Variants in ERBB4 observed in about 807,000 individuals in gnomAD.
ERBB4 encodes receptor tyrosine-protein kinase erbB-4.
Under a neutral mutation model 158.0 loss-of-function variants are expected in ERBB4, and 42 were observed. That is an observed-to-expected ratio of 0.27 (90% CI 0.21 to 0.34). The LOEUF is 0.34. Ranked by LOEUF, ERBB4 falls within the 10% of genes least tolerant of loss-of-function variation. The pLI is 1.00. For missense variants in ERBB4, 1,333 were observed against 1,624.1 expected (o/e 0.82, Z 3.08); for synonymous variants, 583 against 558.7 (o/e 1.04, Z -0.61).
intron 2 of ERBB4, among the ~76,000 whole-genome samples, chr2:212,070,491 A>C (rs1200719568): frequency 2.0e-5 from 3 of 152,134 alleles, no homozygotes; most frequent in African/African-American, 7.2e-5. Flanking sequence ...GATAATACAC[A>C]TATAAATCAA....
chr2:212,211,213 T>C (rs918873983), intron 1 of ERBB4, among the ~76,000 whole-genome samples: 2 of 152,132 alleles, frequency 1.3e-5, no homozygotes, highest in South Asian at 4.1e-4. Flanking sequence ...CTTCCATGAG[T>C]GTCTCTGCTT....
intron 6 of ERBB4, among the ~76,000 whole-genome samples, chr2:211,723,849 C>A (rs529591770): frequency 6.6e-6 from 1 of 152,128 alleles, no homozygotes; most frequent in South Asian, 2.1e-4. Context: ...TACACCAAGG[C>A]CTTAGTCTGG....
intron 1 of ERBB4, among the ~76,000 whole-genome samples, chr2:212,513,106 C>T (rs980227885): frequency 1.3e-5 from 2 of 152,094 alleles, no homozygotes; most frequent in Admixed American, 6.5e-5. Flanking sequence ...CTAAGTTATT[C>T]CAGAGTAACT....
rs562078867 is a variant in ERBB4, at chr2:211,462,645, C to T, written c.2488-31545G>A. ...TTAAGCGAGCTTGTTCCAGTTCTTA[C>T]TTTATAATGGGCTGTTACACTTCTT... On this transcript the variant is annotated intron_variant, in intron 20 of 27. Coordinates refer to ENST00000342788, the MANE Select transcript of ERBB4 (RefSeq NM_005235.3). Among the ~76,000 whole-genome samples, 15 of 152,258 alleles carry T rather than the reference C, an allele frequency of 9.9e-5. No homozygotes were observed. The South Asian group carries it at 3.1e-3, about 32-fold the overall frequency.
intron 3 of ERBB4, among the ~76,000 whole-genome samples, chr2:211,800,491 A>G (rs532597111): frequency 6.6e-6 from 1 of 152,092 alleles, no homozygotes; most frequent in Non-Finnish European, 1.5e-5. Context: ...AAACAAAACA[A>G]AACAGTTTAA....
At chr2:211,954,016 C>T (rs1208741320) in intron 2 of ERBB4, among the ~76,000 whole-genome samples, 1 of 151,954 alleles carries the variant, frequency 6.6e-6, no homozygotes, top group Non-Finnish European at 1.5e-5. Context: ...ACTGGGTTAT[C>T]CTTTTACCTC....
intron 9 of ERBB4, among the ~76,000 whole-genome samples, chr2:211,708,832 G>C (rs1010958476): frequency 3.9e-5 from 6 of 152,006 alleles, no homozygotes; most frequent in African/African-American, 1.4e-4. Context: ...AGGAAACCTA[G>C]TGTTTGACGT....
At chr2:211,878,652 G>GTTTT (rs150312098) in intron 3 of ERBB4, among the ~76,000 whole-genome samples, 23,290 of 98,538 alleles carry the variant, frequency 0.24, 2,917 homozygotes, top group African/African-American at 0.39. Flanking sequence ...GACAAATTAA[G>GTTTT]TTTTGTTTTT....
At chr2:212,059,938 A>G (rs2077708427) in intron 2 of ERBB4, among the ~76,000 whole-genome samples, 1 of 152,232 alleles carries the variant, frequency 6.6e-6, no homozygotes, top group Admixed American at 6.5e-5. Flanking sequence ...CAAAATTGAC[A>G]AATGGGATCT....
chr2:212,073,556 A>AC (rs2125450238), intron 2 of ERBB4, among the ~76,000 whole-genome samples: 1 of 152,068 alleles, frequency 6.6e-6, no homozygotes, highest in South Asian at 2.1e-4. Flanking sequence ...CAGAGGATAA[A>AC]CACTAGTTCT....
intron 3 of ERBB4, among the ~76,000 whole-genome samples, chr2:211,851,711 G>T (rs2077725769): frequency 6.6e-6 from 1 of 151,926 alleles, no homozygotes; most frequent in African/African-American, 2.4e-5. Context: ...GCCTTCAAAA[G>T]GTGTTTGATC....
intron 1 of ERBB4, among the ~76,000 whole-genome samples, chr2:212,234,404 T>C (rs927079325): frequency 1.3e-5 from 2 of 152,116 alleles, no homozygotes; most frequent in Non-Finnish European, 2.9e-5. Flanking sequence ...TGGGTTGGTT[T>C]CATGTCTTTG....
intron 2 of ERBB4, among the ~76,000 whole-genome samples, chr2:211,959,729 A>T (rs756384121): frequency 6.3e-4 from 96 of 152,096 alleles, no homozygotes; most frequent in Non-Finnish European, 1.1e-3. Flanking sequence ...TTAAAATATC[A>T]CCTTTTTGCC....
intron 20 of ERBB4, among the ~76,000 whole-genome samples, chr2:211,509,005 T>C (rs534202832): frequency 1.3e-5 from 2 of 151,810 alleles, no homozygotes; most frequent in Non-Finnish European, 2.9e-5. Flanking sequence ...TATGCAGCCA[T>C]AAAAAGAATG....
chr2:211,876,628 T>A (rs1380847799), intron 3 of ERBB4, among the ~76,000 whole-genome samples: 1 of 152,116 alleles, frequency 6.6e-6, no homozygotes, highest in Non-Finnish European at 1.5e-5. Context: ...ACACATAAAA[T>A]GTGTTTATGT....
At chr2:211,982,249 A>G (rs1159506504) in intron 2 of ERBB4, among the ~76,000 whole-genome samples, 1 of 152,162 alleles carries the variant, frequency 6.6e-6, no homozygotes, top group Non-Finnish European at 1.5e-5. Context: ...AGCAGTAATC[A>G]AGCAATTACA....
intron 2 of ERBB4, among the ~76,000 whole-genome samples, chr2:211,971,773 AC>A (rs1440361656): frequency 9.2e-5 from 14 of 152,220 alleles, no homozygotes; most frequent in Non-Finnish European, 1.3e-4. Context: ...GTGATTCATC[AC>A]ATAAACAGAA....
At chr2:212,501,417 AT>A (rs2106240824) in intron 1 of ERBB4, among the ~76,000 whole-genome samples, 1 of 152,276 alleles carries the variant, frequency 6.6e-6, no homozygotes, top group East Asian at 1.9e-4. Context: ...TCATCAATTG[AT>A]TAGGCAGAAA....
At chr2:211,945,890 T>A (rs1456783090) in intron 3 of ERBB4, among the ~76,000 whole-genome samples, 1 of 152,034 alleles carries the variant, frequency 6.6e-6, no homozygotes, top group Non-Finnish European at 1.5e-5. Flanking sequence ...AATTTATTCA[T>A]TTTTTTCTTT....
Sources: gnomAD v4.1 joint callset for allele counts (sites outside exome capture counted in the v4.1 genomes callset) on GRCh38, gnomAD v4.1.1 for gene constraint, MANE v1.5 for transcripts, NCBI Gene and HGNC (gene_info 2026-07-23, HGNC 2026-07-21) for gene names.